MYPN: variants seen among roughly 807,000 people sequenced by gnomAD.
MYPN encodes the protein sarcomeric protein myopalladin, 145 kDa (MYOP).
In MYPN, 63 loss-of-function variants were observed where a neutral mutation model predicts 129.4. The ratio of observed to expected loss-of-function variants is 0.49; its 90% CI spans 0.40 to 0.60. MYPN has a LOEUF of 0.60. Among genes scored for constraint, MYPN ranks in the 20% least tolerant of loss-of-function variants. The pLI is 0.00. For synonymous variants in MYPN, 629 were observed against 600.9 expected (o/e 1.05, Z -0.68); for missense variants, 1,596 against 1,635.4 (o/e 0.98, Z 0.42).
rs550827308 is a variant in MYPN at position 68,174,260 on chromosome 10, C to T, written c.2168C>T (p.Pro723Leu). The change falls in exon 11 of 20, where the codon CCG becomes CTG. Residue 723 changes from proline (P) to leucine (L), a missense_variant. Coordinates refer to ENST00000358913, the MANE Select transcript of MYPN (RefSeq NM_032578.4). ...TCACAGACGTTCAGCTTGGCCCGGC[C>T]GAAGTATTTCTTCCCCTCCACGAAC... ...PSSQTFSLAR[P>L]KYFFPSTNTT... The T allele has an allele frequency of 4.3e-6, 7 of 1,614,096 alleles. No individual in the cohort carries two copies. The highest frequency in any genetic ancestry group is 4.0e-5 in the African/African-American group (3 of 75,006).
chr10:68,101,052 C>T (rs954338127), intron 1 of MYPN, among the ~76,000 whole-genome samples: 7 of 152,058 alleles, frequency 4.6e-5, no homozygotes, highest in African/African-American at 7.2e-5. Flanking sequence ...TTATGGCATG[C>T]CACAGATAAA....
chr10:68,103,775 C>A (rs1424793106), upstream of MYPN, among the ~76,000 whole-genome samples: 1 of 152,160 alleles, frequency 6.6e-6, no homozygotes, highest in Non-Finnish European at 1.5e-5. Flanking sequence ...CGTGGTGAAA[C>A]CCTGTCTCTA....
chr10:68,105,958 A>G (rs1179112409), upstream of MYPN, among the ~76,000 whole-genome samples: 1 of 152,238 alleles, frequency 6.6e-6, no homozygotes, highest in Non-Finnish European at 1.5e-5. Context: ...CAGGCTAAGA[A>G]CATCGTGCAG....
In MYPN at chr10:68,098,306, G is replaced by C. The variant is rs149690095; in HGVS notation, c.-2+10314G>C. On this transcript the variant is annotated intron_variant, in intron 1 of 6. Coordinates refer to the MYPN transcript ENST00000685154. ...GCTTATCTATTTTTTTATTATTTAAGTTAAACATTACCTGATCGTGGCACT... is the reference window on the plus strand; with the variant it reads ...GCTTATCTATTTTTTTATTATTTAACTTAAACATTACCTGATCGTGGCACT... Among the ~76,000 whole-genome samples the C allele has an allele frequency of 2.0e-3, 301 of 152,154 alleles. 2 individuals carry two copies. Among genetic ancestry groups the C allele is most frequent in the African/African-American group, 7.0e-3 (291 of 41,518 alleles).
chr10:68,098,829 G>A lies in MYPN; in HGVS notation c.-2+10837G>A, dbSNP rs190654487. ...TTGCACTCCAGCCTGGGCGACAAGAGCAAGACTCTGTCTCAAAAAACAAAT... is the reference window on the plus strand; with the variant it reads ...TTGCACTCCAGCCTGGGCGACAAGAACAAGACTCTGTCTCAAAAAACAAAT... On this transcript the variant is annotated intron_variant, in intron 1 of 6. Coordinates refer to the MYPN transcript ENST00000685154. Among the ~76,000 whole-genome samples, 417 of 151,974 alleles carry A rather than the reference G, an allele frequency of 2.7e-3. 2 individuals carry two copies. The highest frequency in any genetic ancestry group is 9.8e-3 in the African/African-American group (403 of 41,256).
At chr10:68,151,342 C>T (rs1242997393) in intron 6 of MYPN, among the ~76,000 whole-genome samples, 3 of 152,156 alleles carry the variant, frequency 2.0e-5, no homozygotes, top group East Asian at 1.9e-4. Context: ...GGCAAACATT[C>T]TTATGTGAAA....
At chr10:68,155,037 C>T (rs1366889481) in intron 6 of MYPN, among the ~76,000 whole-genome samples, 3 of 151,896 alleles carry the variant, frequency 2.0e-5, no homozygotes, top group Non-Finnish European at 4.4e-5. Flanking sequence ...AAAAATTAGC[C>T]GGGCATGGTG....
rs1411545507 is a variant in MYPN at position 68,138,399 on chromosome 10, G to A, written c.903-4541G>A. Among the ~76,000 whole-genome samples, 6 of 151,480 alleles carry A rather than the reference G, an allele frequency of 4.0e-5. No homozygotes were observed. In the East Asian group the frequency reaches 1.2e-3, roughly 29 times the overall value. The stretch of plus-strand genomic sequence containing the variant: ...TTACAGGCATGAGCCACTGTGCCCG[G>A]CCTCTTTTTCTTTCTTGTTTCTTTC... On this transcript the variant is annotated intron_variant, in intron 2 of 19. Transcript: ENST00000358913.
Position 68,158,615 on chromosome 10 carries a change from A to G in MYPN, c.1447A>G (p.Ile483Val), listed in dbSNP as rs1375445440. ...AATAGAAGATTCTCCAGATTTTAGG[A>G]TTTTACAGAAAAGTAAGTTAATACT... ...TLIEDSPDFR[I>V]LQKKPRSMAE... The change falls in exon 7 of 20, where the codon ATT becomes GTT. Residue 483 changes from isoleucine (I) to valine (V), a missense_variant. Coordinates refer to ENST00000358913, the MANE Select transcript of MYPN (RefSeq NM_032578.4). 6.3e-7 allele frequency: 1 copy of G among 1,592,702 alleles called. No homozygotes were observed. Among genetic ancestry groups the G allele is most frequent in the Non-Finnish European group, 8.6e-7 (1 of 1,161,198 alleles).
At chr10:68,124,020 T>A (rs1018137725) in intron 2 of MYPN, among the ~76,000 whole-genome samples, 5 of 152,214 alleles carry the variant, frequency 3.3e-5, no homozygotes, top group African/African-American at 9.6e-5. Flanking sequence ...GACTGATGGA[T>A]AGAGAGGTTA....
intron 2 of MYPN, among the ~76,000 whole-genome samples, chr10:68,134,889 GCTTTT>G (rs2042463078): frequency 6.6e-6 from 1 of 152,050 alleles, no homozygotes; most frequent in African/African-American, 2.4e-5. Context: ...ACCTACTTAT[GCTTTT>G]CTTAAGTTAC....
chr10:68,146,375 T>C (rs994386612), intron 4 of MYPN, among the ~76,000 whole-genome samples: 3 of 152,238 alleles, frequency 2.0e-5, no homozygotes, highest in African/African-American at 7.2e-5. Flanking sequence ...TTGAGCTCTG[T>C]AATAAACTTC....
intron 17 of MYPN, among the ~76,000 whole-genome samples, chr10:68,200,310 CTT>C (rs2134303769): frequency 6.6e-6 from 1 of 152,288 alleles, no homozygotes; most frequent in Admixed American, 6.5e-5. Flanking sequence ...ACAAGTGAAA[CTT>C]TATATTCTTA....
chr10:68,170,932 T>C (rs1251524513), intron 10 of MYPN, among the ~76,000 whole-genome samples: 7 of 152,030 alleles, frequency 4.6e-5, no homozygotes, highest in African/African-American at 1.2e-4. Context: ...GTGGATCACT[T>C]GAGGTCAGGA....
At chr10:68,105,331 C>T (rs987849126), upstream of MYPN, among the ~76,000 whole-genome samples, 2 of 152,146 alleles carry the variant, frequency 1.3e-5, no homozygotes, top group South Asian at 4.1e-4. Context: ...AACACACACA[C>T]AAAGAGCCTA....
chr10:68,157,054 G>A (rs2042887572), intron 6 of MYPN, among the ~76,000 whole-genome samples: 1 of 152,166 alleles, frequency 6.6e-6, no homozygotes, highest in Non-Finnish European at 1.5e-5. Flanking sequence ...TAAGAAACTA[G>A]CTGTGAAAAA....
upstream of MYPN, chr10:68,106,134 T>G (rs1347430231): frequency 4.4e-6 from 2 of 453,974 alleles, no homozygotes; most frequent in Admixed American, 4.7e-5. Context: ...GATTTGGACT[T>G]TAGATGATCC....
intron 12 of MYPN, among the ~76,000 whole-genome samples, chr10:68,178,254 T>C (rs1166901286): frequency 6.6e-6 from 1 of 152,210 alleles, no homozygotes; most frequent in Non-Finnish European, 1.5e-5. Flanking sequence ...CAACAAAGTG[T>C]CTTTGAGTTG....
At chr10:68,089,181 G>A (rs1046084679) in intron 1 of MYPN, among the ~76,000 whole-genome samples, 3 of 152,060 alleles carry the variant, frequency 2.0e-5, no homozygotes, top group African/African-American at 4.8e-5. Context: ...ACAGACATGC[G>A]CCACAGTGCT....
Sources: gnomAD v4.1 joint callset for allele counts (sites outside exome capture counted in the v4.1 genomes callset) on GRCh38, gnomAD v4.1.1 for gene constraint, MANE v1.5 for transcripts, NCBI Gene and HGNC (gene_info 2026-07-23, HGNC 2026-07-21) for gene names.